Variants in UNC5C observed in about 807,000 individuals in gnomAD.
The protein encoded by UNC5C is netrin receptor UNC5C.
Under a neutral mutation model 99.8 loss-of-function variants are expected in UNC5C, and 47 were observed. The ratio of observed to expected loss-of-function variants is 0.47; its 90% CI spans 0.37 to 0.60. The LOEUF is 0.60. UNC5C is among the 20% of genes least tolerant of loss of function. UNC5C has a pLI of 0.00. For missense variants in UNC5C, 1,062 were observed against 1,165.9 expected (o/e 0.91, Z 1.30); for synonymous variants, 487 against 452.2 (o/e 1.08, Z -0.98).
chr4:95,246,235 T>C (rs186209556), intron 5 of UNC5C, among the ~76,000 whole-genome samples: 346 of 152,260 alleles, frequency 2.3e-3, no homozygotes, highest in Non-Finnish European at 3.5e-3. Flanking sequence ...TGGACAGCCA[T>C]TAAAAGTGAT....
chr4:95,227,831 T>C (rs1464012745), intron 7 of UNC5C, among the ~76,000 whole-genome samples: 1 of 152,214 alleles, frequency 6.6e-6, no homozygotes, highest in Non-Finnish European at 1.5e-5. Flanking sequence ...GTGGCAGCAT[T>C]CATATTTGTG....
At chr4:95,392,444 T>A (rs144846205) in intron 1 of UNC5C, among the ~76,000 whole-genome samples, 67,140 of 147,200 alleles carry the variant, frequency 0.46, 15,432 homozygotes, top group East Asian at 0.69. Flanking sequence ...TTTTTTTTTT[T>A]AAAAAAAAAA....
intron 2 of UNC5C, among the ~76,000 whole-genome samples, chr4:95,313,819 G>A (rs1271046747): frequency 1.3e-5 from 2 of 152,180 alleles, no homozygotes; most frequent in Non-Finnish European, 2.9e-5. Context: ...GCAACTAGGT[G>A]ACTGAAAACA....
intron 1 of UNC5C, among the ~76,000 whole-genome samples, chr4:95,531,138 T>C (rs1722632324): frequency 6.6e-6 from 1 of 152,220 alleles, no homozygotes; most frequent in Non-Finnish European, 1.5e-5. Flanking sequence ...ATTAATGGGA[T>C]TCTTAAATTT....
intron 1 of UNC5C, among the ~76,000 whole-genome samples, chr4:95,396,442 T>C (rs1295234392): frequency 6.6e-6 from 1 of 152,150 alleles, no homozygotes; most frequent in Admixed American, 6.5e-5. Context: ...TTTAATTTTA[T>C]CTAAAGGCAA....
intron 2 of UNC5C, among the ~76,000 whole-genome samples, chr4:95,330,550 T>C (rs993579307): frequency 6.6e-6 from 1 of 152,254 alleles, no homozygotes; most frequent in African/African-American, 2.4e-5. Flanking sequence ...TGGCTGTCTG[T>C]ACATAGGAAA....
chr4:95,262,122 C>T (rs1474021911), intron 4 of UNC5C, among the ~76,000 whole-genome samples: 3 of 152,264 alleles, frequency 2.0e-5, no homozygotes, highest in Admixed American at 6.5e-5. Flanking sequence ...ACCTCTAGGG[C>T]ACCAGATAAG....
Position 95,372,207 on chromosome 4 carries a change from C to G in UNC5C, c.125-36576G>C, listed in dbSNP as rs114784674. Among the ~76,000 whole-genome samples, 1,244 of 152,304 alleles carry G rather than the reference C, an allele frequency of 8.2e-3. 21 individuals carry two copies. Among genetic ancestry groups the G allele is most frequent in the African/African-American group, 0.028 (1,167 of 41,560 alleles). ...GTGGAGCATCCTGAGAAGAAATTCA[C>G]TAAATATGCCCGTATTTCATCTTTT... On this transcript the variant is annotated intron_variant, in intron 1 of 15. Transcript: ENST00000453304.
intron 7 of UNC5C, among the ~76,000 whole-genome samples, chr4:95,234,430 GGTTA>G (rs1739030528): frequency 1.3e-5 from 2 of 151,504 alleles, no homozygotes; most frequent in Non-Finnish European, 2.9e-5. Context: ...ACAACTTGCA[GGTTA>G]GTTACATATG....
chr4:95,514,801 T>C (rs921541267), intron 1 of UNC5C, among the ~76,000 whole-genome samples: 2 of 151,868 alleles, frequency 1.3e-5, no homozygotes, highest in Non-Finnish European at 2.9e-5. Context: ...GCCTCCCAAG[T>C]AGCTGGGATT....
chr4:95,470,079 A>C (rs1403204183), intron 1 of UNC5C, among the ~76,000 whole-genome samples: 1 of 152,138 alleles, frequency 6.6e-6, no homozygotes, highest in Non-Finnish European at 1.5e-5. Context: ...ATTTGTGCAC[A>C]TAAGTTTTGA....
In UNC5C at chr4:95,352,189, C is replaced by T. The variant is rs140048027; in HGVS notation, c.125-16558G>A. 7.6e-3 allele frequency among the ~76,000 whole-genome samples: 1,160 copies of T among 152,196 alleles called. 20 individuals are homozygous for T. Among genetic ancestry groups the T allele is most frequent in the Non-Finnish European group, 7.0e-3 (479 of 67,994 alleles). ...ATGAAATCAGACTCCTTACTAAGGCCGAAAAGAACTCCCCTGATCTGATTG... is the reference window on the plus strand; with the variant it reads ...ATGAAATCAGACTCCTTACTAAGGCTGAAAAGAACTCCCCTGATCTGATTG... On this transcript the variant is annotated intron_variant, in intron 1 of 15. Coordinates refer to ENST00000453304, the MANE Select transcript of UNC5C (RefSeq NM_003728.4).
At chr4:95,320,228 C>A (rs1269258769) in intron 2 of UNC5C, among the ~76,000 whole-genome samples, 1 of 151,910 alleles carries the variant, frequency 6.6e-6, no homozygotes, top group Non-Finnish European at 1.5e-5. Flanking sequence ...TCGAGACCAG[C>A]CTGGCCAACA....
In UNC5C at chr4:95,185,108, C is replaced by T. The variant is rs142722408; in HGVS notation, c.2225G>A (p.Arg742His). 8.9e-5 allele frequency: 144 copies of T among 1,613,878 alleles called. No individual in the cohort carries two copies. Among genetic ancestry groups the T allele is most frequent in the Non-Finnish European group, 1.1e-4 (128 of 1,180,020 alleles). The change falls in exon 13 of 16, where the codon CGC becomes CAC. Residue 742 changes from arginine (R) to histidine (H), a missense_variant. Physicochemically the swap from Arg to His is conservative, Grantham distance 29. Coordinates refer to ENST00000453304, the MANE Select transcript of UNC5C (RefSeq NM_003728.4). ...ATGGGCGATATCGTGAATTGACAGGCGCAGGTTGTGGGTGCTGCCTTTAAA... is the reference window on the plus strand; with the variant it reads ...ATGGGCGATATCGTGAATTGACAGGTGCAGGTTGTGGGTGCTGCCTTTAAA... ...LHFKGSTHNL[R>H]LSIHDIAHSL...
In UNC5C at chr4:95,444,362, G is replaced by A. The variant is rs1227713005; in HGVS notation, c.124+104372C>T. 2.1e-5 allele frequency among the ~76,000 whole-genome samples: 3 copies of A among 145,328 alleles called. No individual in the cohort carries two copies. The Admixed American group carries it at 2.1e-4, about 10-fold the overall frequency. ...TTTTTTTTTTTTGAGACGGAGTCTCGCTCTGTCGCCCAGGCTGGAGTGCAG... is the reference window on the plus strand; with the variant it reads ...TTTTTTTTTTTTGAGACGGAGTCTCACTCTGTCGCCCAGGCTGGAGTGCAG... On this transcript the variant is annotated intron_variant, in intron 1 of 15. Transcript: ENST00000453304.
chr4:95,337,641 C>T (rs1743401132), intron 1 of UNC5C, among the ~76,000 whole-genome samples: 1 of 151,874 alleles, frequency 6.6e-6, no homozygotes, highest in Admixed American at 6.6e-5. Flanking sequence ...GGCAAACTAA[C>T]TTTGTATTTC....
intron 1 of UNC5C, among the ~76,000 whole-genome samples, chr4:95,427,832 C>A (rs1014799201): frequency 6.6e-6 from 1 of 152,062 alleles, no homozygotes; most frequent in Non-Finnish European, 1.5e-5. Context: ...TTTTCTTCTG[C>A]AGTTTTTATG....
At chr4:95,445,319 A>C (rs1165827064) in intron 1 of UNC5C, among the ~76,000 whole-genome samples, 1 of 138,248 alleles carries the variant, frequency 7.2e-6, no homozygotes, top group African/African-American at 2.6e-5. Flanking sequence ...AGATGAATTA[A>C]TTAGAGAAAT....
At chr4:95,448,251 A>ACAGAGAGAGAGAGG in intron 1 of UNC5C, among the ~76,000 whole-genome samples, 3 of 151,236 alleles carry the variant, frequency 2.0e-5, no homozygotes, top group South Asian at 4.2e-4. Context: ...AGAGAGAGAG[A>ACAGAGAGAGAGAGG]GAGAGAGAGA....
Sources: gnomAD v4.1 joint callset for allele counts (sites outside exome capture counted in the v4.1 genomes callset) on GRCh38, gnomAD v4.1.1 for gene constraint, MANE v1.5 for transcripts, NCBI Gene and HGNC (gene_info 2026-07-23, HGNC 2026-07-21) for gene names.